KCNAB1: variants seen among roughly 807,000 people sequenced by gnomAD.
KCNAB1 encodes voltage-gated potassium channel subunit beta-1.
In KCNAB1, 35 loss-of-function variants were observed where a neutral mutation model predicts 64.6. The ratio of observed to expected loss-of-function variants is 0.54; its 90% CI spans 0.41 to 0.72. The LOEUF (loss-of-function observed/expected upper bound fraction) is 0.72. KCNAB1 is among the 30% of genes least tolerant of loss of function. KCNAB1 has a pLI of 0.00. For missense variants in KCNAB1, 401 were observed against 512.9 expected (o/e 0.78, Z 2.11); for synonymous variants, 177 against 183.8 (o/e 0.96, Z 0.30).
intron 1 of KCNAB1, among the ~76,000 whole-genome samples, chr3:156,240,609 G>A (rs1002922080): frequency 5.3e-5 from 8 of 152,086 alleles, no homozygotes; most frequent in African/African-American, 1.9e-4. Context: ...TTCTAATATA[G>A]CAGATGAGGA....
In KCNAB1 at chr3:156,343,761, A is replaced by G. The variant is rs183432937; in HGVS notation, c.276-77855A>G. Among the ~76,000 whole-genome samples, 3 of 152,364 alleles carry G rather than the reference A, an allele frequency of 2.0e-5. No homozygotes were observed. In the East Asian group the frequency reaches 5.8e-4, roughly 29 times the overall value. The stretch of plus-strand genomic sequence containing the variant: ...TCACCAGTGACTACATAAAGAGCCT[A>G]CTTCTTTATAGTAGCAACCTAATGG... On this transcript the variant is annotated intron_variant, in intron 1 of 13. Coordinates refer to ENST00000490337, the MANE Select transcript of KCNAB1 (RefSeq NM_172160.3).
At chr3:156,315,228 C>G (rs1280780118) in intron 1 of KCNAB1, among the ~76,000 whole-genome samples, 1 of 152,088 alleles carries the variant, frequency 6.6e-6, no homozygotes, top group Non-Finnish European at 1.5e-5. Context: ...GCTTTTTTCT[C>G]TTATGGTGGC....
At chr3:156,331,197 T>C (rs926590956) in intron 1 of KCNAB1, among the ~76,000 whole-genome samples, 8 of 152,232 alleles carry the variant, frequency 5.3e-5, no homozygotes, top group African/African-American at 1.9e-4. Flanking sequence ...TATTTAAAAC[T>C]ATACTAAGAT....
At chr3:156,143,373 A>T in intron 1 of KCNAB1, 1 of 1,607,628 alleles carries the variant, frequency 6.2e-7, no homozygotes, top group Non-Finnish European at 8.5e-7. Context: ...GTGTTCATGG[A>T]ATTTCGTTGC....
intron 1 of KCNAB1, among the ~76,000 whole-genome samples, chr3:156,319,398 C>T (rs1722507038): frequency 6.6e-6 from 1 of 152,320 alleles, no homozygotes; most frequent in South Asian, 2.1e-4. Context: ...ATTGCTGTGG[C>T]AGTCTAATTA....
At chr3:156,249,651 A>C (rs914084928) in intron 1 of KCNAB1, among the ~76,000 whole-genome samples, 11 of 152,198 alleles carry the variant, frequency 7.2e-5, no homozygotes, top group African/African-American at 2.7e-4. Context: ...AAGGAGGAGA[A>C]CGGCTTTACT....
At chr3:156,241,200 T>C (rs1029711286) in intron 1 of KCNAB1, among the ~76,000 whole-genome samples, 13 of 152,226 alleles carry the variant, frequency 8.5e-5, no homozygotes, top group Non-Finnish European at 8.8e-5. Flanking sequence ...TAATGCATCA[T>C]GATTATGTTT....
chr3:156,370,616 G>A (rs1362168139), intron 1 of KCNAB1, among the ~76,000 whole-genome samples: 1 of 152,216 alleles, frequency 6.6e-6, no homozygotes, highest in Non-Finnish European at 1.5e-5. Context: ...GGAAAGGGAA[G>A]GGGATATGAT....
At chr3:156,526,264 A>G (rs1718303487) in intron 12 of KCNAB1, among the ~76,000 whole-genome samples, 1 of 152,322 alleles carries the variant, frequency 6.6e-6, no homozygotes, top group Admixed American at 6.5e-5. Flanking sequence ...TGTTCACACA[A>G]TGAGGAAAAC....
intron 1 of KCNAB1, among the ~76,000 whole-genome samples, chr3:156,178,208 T>C (rs1490680931): frequency 6.6e-6 from 1 of 152,216 alleles, no homozygotes; most frequent in East Asian, 1.9e-4. Context: ...CTTTCTTGCC[T>C]GTAAAAGGAA....
chr3:156,520,046 T>C (rs1464811847), intron 11 of KCNAB1, among the ~76,000 whole-genome samples: 1 of 152,152 alleles, frequency 6.6e-6, no homozygotes, highest in Admixed American at 6.5e-5. Flanking sequence ...ACACTTCCCA[T>C]GTTACTAGGT....
chr3:156,286,861 A>G (rs1031205074), intron 1 of KCNAB1, among the ~76,000 whole-genome samples: 4 of 152,194 alleles, frequency 2.6e-5, no homozygotes, highest in African/African-American at 9.7e-5. Context: ...AGGCTGCCTC[A>G]AGTTAAATTG....
intron 6 of KCNAB1, 115 bp downstream of exon 6, chr3:156,463,861 T>C (rs1713135532): frequency 1.3e-6 from 1 of 740,790 alleles, no homozygotes; most frequent in South Asian, 2.2e-5. Flanking sequence ...AGAGGGTTTT[T>C]TGTTTTTTTT....
At chr3:156,535,994 C>A (rs927515975) in intron 13 of KCNAB1, among the ~76,000 whole-genome samples, 2 of 152,182 alleles carry the variant, frequency 1.3e-5, no homozygotes, top group Admixed American at 6.5e-5. Flanking sequence ...CATCCCCACA[C>A]CTACACCAAT....
intron 1 of KCNAB1, among the ~76,000 whole-genome samples, chr3:156,244,819 G>C (rs1717361894): frequency 6.6e-6 from 1 of 152,166 alleles, no homozygotes; most frequent in South Asian, 2.1e-4. Flanking sequence ...AATAGTAGAG[G>C]GGTCTTTGTT....
intron 1 of KCNAB1, among the ~76,000 whole-genome samples, chr3:156,299,738 C>CA (rs1313889079): frequency 6.6e-6 from 1 of 152,008 alleles, no homozygotes; most frequent in Non-Finnish European, 1.5e-5. Context: ...TTGGAATCGA[C>CA]AGCTAGGGAG....
intron 1 of KCNAB1, among the ~76,000 whole-genome samples, chr3:156,239,992 TA>T (rs1173257910): frequency 1.3e-5 from 2 of 151,934 alleles, no homozygotes; most frequent in African/African-American, 4.8e-5. Flanking sequence ...TTAGGGAGAT[TA>T]AAAAAAAGAA....
chr3:156,124,545 T>C (rs1713537761), intron 1 of KCNAB1, among the ~76,000 whole-genome samples: 1 of 152,078 alleles, frequency 6.6e-6, no homozygotes, highest in African/African-American at 2.4e-5. Context: ...GTGCAATTAA[T>C]GGATGAATGT....
At chr3:156,310,778 T>C (rs1721843203) in intron 1 of KCNAB1, among the ~76,000 whole-genome samples, 1 of 152,150 alleles carries the variant, frequency 6.6e-6, no homozygotes, top group African/African-American at 2.4e-5. Flanking sequence ...CACTCCAGCC[T>C]GGGTGACAGA....
Sources: gnomAD v4.1 joint callset for allele counts (sites outside exome capture counted in the v4.1 genomes callset) on GRCh38, gnomAD v4.1.1 for gene constraint, MANE v1.5 for transcripts, NCBI Gene and HGNC (gene_info 2026-07-23, HGNC 2026-07-21) for gene names.